BPIFB1: variants seen among roughly 807,000 people sequenced by gnomAD.
BPIFB1 encodes the protein BPI fold containing family B member 1, also known as BPI fold-containing family B member 1.
In BPIFB1, 34 loss-of-function variants were observed where a neutral mutation model predicts 55.1. The ratio of observed to expected loss-of-function variants is 0.62; its 90% confidence interval spans 0.47 to 0.82. The LOEUF (loss-of-function observed/expected upper bound fraction) is 0.82. BPIFB1 is among the 40% of genes least tolerant of loss of function. The pLI is 0.00. For missense variants in BPIFB1, 532 were observed against 593.1 expected (o/e 0.90, Z 1.07); for synonymous variants, 236 against 245.3 (o/e 0.96, Z 0.35).
intron 6 of BPIFB1, among the ~76,000 whole-genome samples, chr20:33,293,467 A>G (rs911120108): frequency 3.3e-5 from 5 of 152,232 alleles, no homozygotes; most frequent in Non-Finnish European, 5.9e-5. Flanking sequence ...ATAATTTACG[A>G]AAACATTCCA....
Position 33,307,015 on chromosome 20 carries a change from GC to G in BPIFB1, c.1395+32del, listed in dbSNP as rs781105962. 17 of 1,602,566 alleles carry G rather than the reference GC, an allele frequency of 1.1e-5. 1 individual carries two copies. The South Asian group carries it at 1.5e-4, about 15-fold the overall frequency. On this transcript the variant is annotated intron_variant, in intron 15 of 15. Transcript: ENST00000253354. Reference sequence around the variant, plus strand: ...GAGTGGGTGTGGCCCTAAACATCCTGCCCCAGGGAGGGCACAGCCACTGAGA... The same window carrying G: ...GAGTGGGTGTGGCCCTAAACATCCTGCCCAGGGAGGGCACAGCCACTGAGA...
In BPIFB1 at chr20:33,306,069, C is replaced by T. The variant is rs758314834; in HGVS notation, c.1318+4C>T. The T allele has an allele frequency of 3.7e-6, 6 of 1,613,896 alleles. No homozygotes were observed. Among genetic ancestry groups the T allele is most frequent in the Non-Finnish European group, 5.1e-6 (6 of 1,179,882 alleles). On this transcript the variant is annotated splice_donor_region_variant and intron_variant, in intron 14 of 15. Transcript: ENST00000253354. ...ATCCTGCTGCCGAACCAGAATGGTG[C>T]ATACCTCTGCCATCTGTGCCCCCTC... is the stretch of plus-strand genomic sequence containing the variant.
Position 33,304,879 on chromosome 20 carries a change from T to C in BPIFB1, c.1242T>C (p.Ile414=). 1 of 1,614,192 alleles carries C rather than the reference T, an allele frequency of 6.2e-7. No homozygotes were observed. Among genetic ancestry groups the C allele is most frequent in the Non-Finnish European group, 8.5e-7 (1 of 1,180,022 alleles). ...GGATCCAGCTGATGAACTCTGGGAT[T>C]GGCTGGTTCCAAGTAAGTGTTAACA... ...SDRIQLMNSG[I]GWFQPDVLKN... The change falls in exon 13 of 16, where the codon ATT becomes ATC. Residue 414 remains isoleucine (I), a synonymous_variant. Transcript: ENST00000253354.
Position 33,306,974 on chromosome 20 carries a change from C to T in BPIFB1, c.1382C>T (p.Ser461Phe), listed in dbSNP as rs768539670. 18 of 1,614,006 alleles carry T rather than the reference C, an allele frequency of 1.1e-5. No individual in the cohort carries two copies. The highest frequency in any genetic ancestry group is 1.4e-5 in the Non-Finnish European group (17 of 1,179,934). ...GCCTTGGGATTCGAGGCAGCTGAGT[C>T]CTCACTGACCAAGGTGAGTGGGTGT... ...VKALGFEAAE[S>F]SLTKDALVLT... Residue 461 changes from serine to phenylalanine, a missense_variant, in exon 15 of 16, where the codon TCC becomes TTC. Transcript: ENST00000253354.
rs1255284665 is a variant in BPIFB1, at chr20:33,293,466, G to A, written c.597+1478G>A. ...AGGTACATTGGGTTTAATAATTTAC[G>A]AAAACATTCCAGCAAATCCTTTTTT... On this transcript the variant is annotated intron_variant, in intron 6 of 15. Transcript: ENST00000253354. Among the ~76,000 whole-genome samples, 6 of 152,210 alleles carry A rather than the reference G, an allele frequency of 3.9e-5. No homozygotes were observed. The South Asian group carries it at 6.2e-4, about 16-fold the overall frequency.
chr20:33,299,009 C>CT, intron 7 of BPIFB1: 1 of 145,526 alleles, frequency 6.9e-6, no homozygotes. Flanking sequence ...GACCTTTTTT[C>CT]TTTTTTTAAA....
intron 3 of BPIFB1, 49 bp from the exon 4 acceptor site, chr20:33,289,836 G>C: frequency 6.5e-7 from 1 of 1,539,914 alleles, no homozygotes; most frequent in Non-Finnish European, 9.0e-7. Context: ...GTGGATTTGG[G>C]AATAATGAGC....
At position 33,290,002 on chromosome 20, in the gene BPIFB1, C is replaced by A. The variant is rs770629763; in HGVS notation, c.365+10C>A. 8.1e-6 allele frequency: 13 copies of A among 1,606,388 alleles called. No homozygotes were observed. The South Asian group carries it at 1.4e-4, about 18-fold the overall frequency. On this transcript the variant is annotated intron_variant, in intron 4 of 15. Transcript: ENST00000253354. The stretch of plus-strand genomic sequence containing the variant: ...TGGCTGGATTCAACACGTGAGTGAC[C>A]CCTCCATCAAGTACAGTAGGCTTGA...
intron 9 of BPIFB1, 98 bp from the exon 10 acceptor site, chr20:33,302,261 T>C (rs902461333): frequency 1.4e-5 from 18 of 1,320,234 alleles, no homozygotes; most frequent in Non-Finnish European, 2.0e-5. Flanking sequence ...ACCCAGCTTT[T>C]CTGGGGTCCT....
chr20:33,291,626 C>A (rs888551518), intron 5 of BPIFB1, among the ~76,000 whole-genome samples: 4 of 152,232 alleles, frequency 2.6e-5, no homozygotes, highest in African/African-American at 9.6e-5. Flanking sequence ...TGGCGCCCCC[C>A]CTTCCCTTCT....
chr20:33,300,638 G>A (rs893782234), intron 8 of BPIFB1, among the ~76,000 whole-genome samples: 2 of 152,226 alleles, frequency 1.3e-5, no homozygotes, highest in African/African-American at 4.8e-5. Flanking sequence ...CCAGGCTGGA[G>A]TGCAGTGGTG....
chr20:33,285,897 C>T (rs1346265001), intron 1 of BPIFB1, 136 bp from the exon 2 acceptor site: 12 of 591,396 alleles, frequency 2.0e-5, no homozygotes, highest in South Asian at 4.3e-5. Flanking sequence ...ACGTTGATTG[C>T]CTAAGGCTAC....
At chr20:33,289,372 A>C in intron 3 of BPIFB1, among the ~76,000 whole-genome samples, 1 of 133,804 alleles carries the variant, frequency 7.5e-6, no homozygotes, top group African/African-American at 2.8e-5. Flanking sequence ...CAAGAGTGAG[A>C]TTCTGTCTCA....
intron 2 of BPIFB1, 141 bp from the exon 3 acceptor site, chr20:33,288,600 A>C: frequency 1.1e-6 from 1 of 951,496 alleles, no homozygotes; most frequent in South Asian, 1.7e-5. Context: ...GCTGGTCCTG[A>C]CCTCCACCAC....
intron 12 of BPIFB1, among the ~76,000 whole-genome samples, chr20:33,304,341 C>A (rs1377922962): frequency 6.6e-6 from 1 of 152,190 alleles, no homozygotes; most frequent in Non-Finnish European, 1.5e-5. Context: ...CTGCACCCTG[C>A]CTGTTCTCCC....
intron 3 of BPIFB1, among the ~76,000 whole-genome samples, chr20:33,289,397 A>C (rs1406090960): frequency 2.1e-4 from 32 of 149,164 alleles, no homozygotes; most frequent in African/African-American, 7.4e-4. Flanking sequence ...AAAAAAAACA[A>C]AAAAAAAAAA....
At chr20:33,285,662 G>C (rs1456004523) in intron 1 of BPIFB1, among the ~76,000 whole-genome samples, 3 of 150,064 alleles carry the variant, frequency 2.0e-5, no homozygotes, top group African/African-American at 7.4e-5. Context: ...AGCTTGCAGT[G>C]AGCCGAGATG....
rs201300767 is a variant in BPIFB1 at position 33,302,323 on chromosome 20, C to G, written c.928-36C>G. On this transcript the variant is annotated intron_variant, in intron 9 of 15. Coordinates refer to ENST00000253354, the MANE Select transcript of BPIFB1 (RefSeq NM_033197.3). ...TGCAGGAGATGTGCCTCCCTGTGCCCTCCAACTGACCTTCTCTGGCTCCTC... is the reference window on the plus strand; with the variant it reads ...TGCAGGAGATGTGCCTCCCTGTGCCGTCCAACTGACCTTCTCTGGCTCCTC... 49 of 1,611,488 alleles carry G rather than the reference C, an allele frequency of 3.0e-5. No homozygotes were observed. In the Middle Eastern group the frequency reaches 9.9e-4, roughly 33 times the overall value.
chr20:33,286,250 C>T (rs1448414181), intron 2 of BPIFB1, 62 bp downstream of exon 2: 5 of 1,439,374 alleles, frequency 3.5e-6, no homozygotes, highest in South Asian at 1.2e-5. Flanking sequence ...AGCAGCTTCC[C>T]AAAGGAGGGA....
Sources: gnomAD v4.1 joint callset for allele counts (sites outside exome capture counted in the v4.1 genomes callset) on GRCh38, gnomAD v4.1.1 for gene constraint, MANE v1.5 for transcripts, NCBI Gene and HGNC (gene_info 2026-07-23, HGNC 2026-07-21) for gene names.